The following IFT88 variants were observed in gnomAD, a reference collection of about 807,000 sequenced individuals.
IFT88 encodes intraflagellar transport protein 88 homolog.
A neutral mutation model predicts 119.5 loss-of-function variants in IFT88; 74 were observed. The observed-to-expected ratio is 0.62, with a 90% CI of 0.51 to 0.75. The LOEUF (loss-of-function observed/expected upper bound fraction) is 0.75, where lower values mean the gene tolerates loss of function less well. IFT88 is among the 30% of genes least tolerant of loss of function. The pLI, the probability that IFT88 is intolerant of heterozygous loss-of-function variation, is 0.00. For synonymous variants in IFT88, 279 were observed against 316.7 expected (o/e 0.88, Z 1.26); for missense variants, 961 against 977.7 (o/e 0.98, Z 0.23).
chr13:20,613,952 T>TTAGTGG (rs55704995), intron 13 of IFT88, among the ~76,000 whole-genome samples: 2 of 152,086 alleles, frequency 1.3e-5, no homozygotes, highest in Non-Finnish European at 2.9e-5. Flanking sequence ...TCTATAAAGA[T>TTAGTGG]TTGCCAGGGA....
chr13:20,643,507 G>A lies in IFT88; in HGVS notation c.1735G>A (p.Val579Ile). The A allele has an allele frequency of 6.2e-7, 1 of 1,612,302 alleles. No individual in the cohort carries two copies. The highest frequency in any genetic ancestry group is 8.5e-7 in the Non-Finnish European group (1 of 1,179,004). The change falls in exon 19 of 26, where the codon GTC becomes ATC. Residue 579 changes from valine to isoleucine, a missense_variant. Physicochemically the swap from Val to Ile is conservative, Grantham distance 29. Coordinates refer to ENST00000351808, the MANE Select transcript of IFT88 (RefSeq NM_006531.5). ...SQAIEWLMQV[V>I]SVIPTDPQVL... ...AGCTATTGAATGGCTAATGCAGGTG[G>A]TCAGTGTTATTCCAACCGATCCTCA...
chr13:20,573,910 A>G (rs1297452910), intron 1 of IFT88, among the ~76,000 whole-genome samples: 1 of 152,230 alleles, frequency 6.6e-6, no homozygotes, highest in Non-Finnish European at 1.5e-5. Flanking sequence ...AAATGAGGAC[A>G]ATAACTTAAT....
Position 20,631,027 on chromosome 13 carries a change from C to G in IFT88, c.1311C>G (p.Ile437Met). The G allele has an allele frequency of 6.3e-7, 1 of 1,586,534 alleles. No homozygotes were observed. Among genetic ancestry groups the G allele is most frequent in the South Asian group, 1.1e-5 (1 of 90,430 alleles). The change falls in exon 16 of 26, where the codon ATC (isoleucine) becomes ATG (methionine). Residue 437 changes from isoleucine (I) to methionine (M), a missense_variant. Coordinates refer to ENST00000351808, the MANE Select transcript of IFT88 (RefSeq NM_006531.5). ...RQKDYNQAVE[I>M]LKVLEKKDSR... is the part of the protein sequence containing the mutation. ...TATTCCATTTCTAGGCTGTAGAGAT[C>G]TTAAAAGTGTTGGAAAAAAAGGACA... is the stretch of plus-strand genomic sequence containing the variant.
chr13:20,656,831 C>T (rs9509319), intron 22 of IFT88, among the ~76,000 whole-genome samples: 138,165 of 152,280 alleles, frequency 0.91, 62,830 homozygotes, highest in East Asian at 1. Context: ...TTTATAAAAA[C>T]TGAACATTAA....
At chr13:20,613,488 T>G (rs2044994720) in intron 13 of IFT88, among the ~76,000 whole-genome samples, 1 of 151,914 alleles carries the variant, frequency 6.6e-6, no homozygotes, top group Admixed American at 6.6e-5. Flanking sequence ...ATGGTAGGAG[T>G]ATAAAATGGT....
chr13:20,627,033 A>C (rs968876894), intron 15 of IFT88, among the ~76,000 whole-genome samples: 1 of 152,214 alleles, frequency 6.6e-6, no homozygotes, highest in South Asian at 2.1e-4. Flanking sequence ...AACATTATCT[A>C]CTAAAGAATA....
chr13:20,644,955 T>C lies in IFT88; in HGVS notation c.1946T>C (p.Ile649Thr), dbSNP rs757112994. Reference sequence around the variant, plus strand: ...CAGTACTTTGAAAGAGCTTCTCTTATACAGTAAGTAATCATTAGGATTTTA... The same window carrying C: ...CAGTACTTTGAAAGAGCTTCTCTTACACAGTAAGTAATCATTAGGATTTTA... Reference protein sequence around the residue: ...AIQYFERASLIQPTQVKWQLM... With the variant: ...AIQYFERASLTQPTQVKWQLM... Residue 649 changes from isoleucine (I) to threonine (T), a missense_variant, in exon 20 of 26, where the codon ATA (isoleucine) becomes ACA (threonine). Transcript: ENST00000351808. 2.8e-6 allele frequency: 4 copies of C among 1,408,638 alleles called. No homozygotes were observed. Among genetic ancestry groups the C allele is most frequent in the African/African-American group, 2.8e-5 (2 of 70,692 alleles). 87.3% of individuals were successfully genotyped at this position (1,408,638 alleles called of 1,614,324 possible).
At position 20,603,513 on chromosome 13, in the gene IFT88, T is replaced by C. The variant is rs930615818; in HGVS notation, c.1042-1522T>C. On this transcript the variant is annotated intron_variant, in intron 12 of 25. Transcript: ENST00000351808. ...TGTCTCAGTTCTTTTATATATGTAATGGGATTAACTATTATAACCTATCTT... is the reference window on the plus strand; with the variant it reads ...TGTCTCAGTTCTTTTATATATGTAACGGGATTAACTATTATAACCTATCTT... 9.2e-5 allele frequency among the ~76,000 whole-genome samples: 14 copies of C among 152,272 alleles called. No individual in the cohort carries two copies. The East Asian group carries it at 2.7e-3, about 29-fold the overall frequency.
At chr13:20,634,842 A>G (rs2048771877) in intron 16 of IFT88, among the ~76,000 whole-genome samples, 1 of 151,424 alleles carries the variant, frequency 6.6e-6, no homozygotes, top group South Asian at 2.1e-4. Context: ...GTACATGTGT[A>G]CAACGTGCAG....
chr13:20,612,629 A>G (rs972942929), intron 13 of IFT88, among the ~76,000 whole-genome samples: 3 of 152,208 alleles, frequency 2.0e-5, no homozygotes, highest in African/African-American at 7.2e-5. Flanking sequence ...AGAAAGTGAC[A>G]AATTGATCCT....
At chr13:20,671,822 T>C (rs144174466) in intron 24 of IFT88, among the ~76,000 whole-genome samples, 248 of 152,324 alleles carry the variant, frequency 1.6e-3, no homozygotes, top group African/African-American at 5.3e-3. Flanking sequence ...CATGCATATA[T>C]GACCTAGCTC....
At chr13:20,683,339 A>G (rs2057530662) in intron 24 of IFT88, among the ~76,000 whole-genome samples, 1 of 152,028 alleles carries the variant, frequency 6.6e-6, no homozygotes, top group Non-Finnish European at 1.5e-5. Context: ...AACCCTTGTA[A>G]ATTTTTTCCT....
At chr13:20,642,479 C>G (rs2442454) in intron 18 of IFT88, 27,374 of 152,094 alleles carry the variant, frequency 0.18, 2,965 homozygotes, top group African/African-American at 0.3. Context: ...TGGCAGGCAC[C>G]TGTAATCCCA....
chr13:20,572,726 A>G (rs1416970186), intron 1 of IFT88, among the ~76,000 whole-genome samples: 1 of 152,198 alleles, frequency 6.6e-6, no homozygotes, highest in East Asian at 1.9e-4. Context: ...GCCAAGATAC[A>G]GAACATTTAT....
chr13:20,671,919 C>A (rs542307539), intron 24 of IFT88, among the ~76,000 whole-genome samples: 4 of 152,186 alleles, frequency 2.6e-5, no homozygotes, highest in Admixed American at 1.3e-4. Context: ...GTTAGGCAGG[C>A]CTTTCATCCA....
chr13:20,668,248 C>T (rs1447797368), intron 23 of IFT88, among the ~76,000 whole-genome samples: 1 of 152,212 alleles, frequency 6.6e-6, no homozygotes, highest in Non-Finnish European at 1.5e-5. Context: ...TGGGTGTTTA[C>T]TTTGCATCTC....
chr13:20,578,358 C>CTT (rs1158499742), intron 2 of IFT88, among the ~76,000 whole-genome samples: 44 of 78,752 alleles, frequency 5.6e-4, no homozygotes, highest in African/African-American at 9.4e-4. Flanking sequence ...AGTCTTGTTA[C>CTT]TTTTTTTTTT....
At chr13:20,625,254 G>A (rs574111717) in intron 14 of IFT88, among the ~76,000 whole-genome samples, 1 of 152,178 alleles carries the variant, frequency 6.6e-6, no homozygotes, top group African/African-American at 2.4e-5. Flanking sequence ...ATCCTTTTAG[G>A]GTTGTTGTGA....
chr13:20,643,524 C>CT lies in IFT88; in HGVS notation c.1752_1753insT (p.Asp585Ter). 1.2e-6 allele frequency: 2 copies of CT among 1,611,786 alleles called. No homozygotes were observed. Among genetic ancestry groups the CT allele is most frequent in the Non-Finnish European group, 1.7e-6 (2 of 1,178,196 alleles). On this transcript the variant is annotated frameshift_variant, in exon 19 of 26. Transcript: ENST00000351808. LOFTEE classifies it high-confidence loss of function. ...TGCAGGTGGTCAGTGTTATTCCAACCGATCCTCAAGTTTTATCTAAGCTAG... is the reference window on the plus strand; with the variant it reads ...TGCAGGTGGTCAGTGTTATTCCAACCTGATCCTCAAGTTTTATCTAAGCTAG...
Sources: gnomAD v4.1 joint callset for allele counts (sites outside exome capture counted in the v4.1 genomes callset) on GRCh38, gnomAD v4.1.1 for gene constraint, MANE v1.5 for transcripts, NCBI Gene and HGNC (gene_info 2026-07-23, HGNC 2026-07-21) for gene names.